Variants in RAB11FIP3 observed in about 807,000 individuals in gnomAD.
The protein encoded by RAB11FIP3 is RAB11 family interacting protein 3.
Under a neutral mutation model 77.8 loss-of-function variants are expected in RAB11FIP3, and 17 were observed. That is an observed-to-expected ratio of 0.22 (90% confidence interval 0.15 to 0.33). The LOEUF is 0.33. Among genes scored for constraint, RAB11FIP3 ranks in the 10% least tolerant of loss-of-function variants. The probability of loss-of-function intolerance (pLI) is 1.00; values close to 1 mark genes in which losing one functional copy is unlikely to be tolerated. For missense variants in RAB11FIP3, 1,005 were observed against 1,011.2 expected, an observed-to-expected ratio of 0.99 and a Z score of 0.08; for synonymous variants, 437 against 448.2, an observed-to-expected ratio of 0.98 and a Z score of 0.31.
At position 485,193 on chromosome 16, in the gene RAB11FIP3, G is replaced by A. The variant is rs116625248; in HGVS notation, c.1115+2457G>A. Reference sequence around the variant, plus strand: ...GTGCTGCAGAAGCAGCCAAAGGCACGTGGGTCAGTGAGCGTGGCTGTGTCC... The same window carrying A: ...GTGCTGCAGAAGCAGCCAAAGGCACATGGGTCAGTGAGCGTGGCTGTGTCC... On this transcript the variant is annotated intron_variant, in intron 4 of 13. Coordinates refer to ENST00000262305, the MANE Select transcript of RAB11FIP3 (RefSeq NM_014700.4). Among the ~76,000 whole-genome samples, 385 of 152,226 alleles carry A rather than the reference G, an allele frequency of 2.5e-3. 3 individuals carry two copies. Among genetic ancestry groups the A allele is most frequent in the African/African-American group, 8.9e-3 (370 of 41,554 alleles).
At chr16:455,807 T>C (rs2055493951) in intron 1 of RAB11FIP3, among the ~76,000 whole-genome samples, 1 of 152,166 alleles carries the variant, frequency 6.6e-6, no homozygotes, top group Non-Finnish European at 1.5e-5. Context: ...CCCAGGCTAG[T>C]CTGGAACTCT....
intron 1 of RAB11FIP3, among the ~76,000 whole-genome samples, chr16:441,041 A>G (rs1261506629): frequency 6.6e-6 from 1 of 152,062 alleles, no homozygotes; most frequent in Non-Finnish European, 1.5e-5. Flanking sequence ...CCCAGGTTCA[A>G]GCGATTCTCC....
intron 3 of RAB11FIP3, among the ~76,000 whole-genome samples, chr16:478,480 G>C (rs1414104474): frequency 1.3e-5 from 2 of 151,796 alleles, no homozygotes; most frequent in Non-Finnish European, 2.9e-5. Flanking sequence ...CATTAACCAC[G>C]GCGCCCAGCC....
intron 1 of RAB11FIP3, among the ~76,000 whole-genome samples, chr16:450,301 C>G (rs2055386166): frequency 1.3e-5 from 2 of 152,146 alleles, no homozygotes; most frequent in African/African-American, 4.8e-5. Context: ...TCCCGAGTAG[C>G]TGGGACCACA....
Position 429,311 on chromosome 16 carries a change from C to T in RAB11FIP3, c.714+2591C>T, listed in dbSNP as rs574116938. ...TTCAGTATATATTTCCAAAAGATAC[C>T]GATTCTTTTAAAGACATTAATGATT... is the stretch of plus-strand genomic sequence containing the variant. On this transcript the variant is annotated intron_variant, in intron 1 of 13. Coordinates refer to ENST00000262305, the MANE Select transcript of RAB11FIP3 (RefSeq NM_014700.4). 1.1e-4 allele frequency among the ~76,000 whole-genome samples: 17 copies of T among 151,878 alleles called. No homozygotes were observed. In the South Asian group the frequency reaches 1.2e-3, roughly 11 times the overall value.
At chr16:445,641 G>A (rs987504162) in intron 1 of RAB11FIP3, among the ~76,000 whole-genome samples, 1 of 152,110 alleles carries the variant, frequency 6.6e-6, no homozygotes, top group East Asian at 1.9e-4. Flanking sequence ...CTGAATCTCA[G>A]GCCCACAGAG....
At chr16:489,201 C>A in intron 5 of RAB11FIP3, 1 of 646,186 alleles carries the variant, frequency 1.5e-6, no homozygotes, top group East Asian at 2.9e-5. Context: ...CCAGCCACAT[C>A]CCCAGATCAC....
In RAB11FIP3 at chr16:461,323, A is replaced by T; in HGVS notation, c.715-81A>T. ...CCGTTCCCAGCAGGCCACACACCAG[A>T]TCTCTCCCAGTCCGAGGTCCAGGGT... On this transcript the variant is annotated intron_variant, in intron 1 of 13. Coordinates refer to ENST00000262305, the MANE Select transcript of RAB11FIP3 (RefSeq NM_014700.4). This position sits in a 1 kb window ranked among gnomAD's most constrained non-coding sequence, Gnocchi z 4.5. 9.1e-7 allele frequency: 1 copy of T among 1,102,048 alleles called. No homozygotes were observed. The allele number at this position is 1,102,048 out of a possible 1,614,324, so 68.3% of individuals were successfully genotyped here. A position where few individuals can be genotyped will look rare whatever the true frequency, so the allele number is the denominator to read the frequency against.
intron 1 of RAB11FIP3, among the ~76,000 whole-genome samples, chr16:431,635 A>C (rs955142652): frequency 2.6e-5 from 4 of 152,074 alleles, no homozygotes; most frequent in African/African-American, 9.7e-5. Context: ...TCAGCCTCCC[A>C]AAGTGTTGGG....
chr16:492,884 A>G (rs565871786), intron 5 of RAB11FIP3, among the ~76,000 whole-genome samples: 11 of 152,246 alleles, frequency 7.2e-5, no homozygotes, highest in African/African-American at 2.6e-4. Flanking sequence ...AGGGACTAGG[A>G]TGTAGCTAAG....
intron 1 of RAB11FIP3, chr16:452,426 T>TTTATTA (rs561854518): frequency 1.8e-4 from 27 of 151,794 alleles, no homozygotes; most frequent in African/African-American, 6.3e-4. Context: ...CATCTATTTC[T>TTTATTA]TTATTATTAT....
intron 8 of RAB11FIP3, among the ~76,000 whole-genome samples, chr16:509,759 C>T (rs1310214619): frequency 6.6e-6 from 1 of 152,200 alleles, no homozygotes; most frequent in Admixed American, 6.5e-5. Context: ...GGCCCCCCCC[C>T]CACTTGTGGC....
intron 8 of RAB11FIP3, among the ~76,000 whole-genome samples, chr16:509,557 G>A (rs978597765): frequency 4.6e-5 from 7 of 152,250 alleles, no homozygotes; most frequent in African/African-American, 1.7e-4. Flanking sequence ...CTTCTCTTTG[G>A]GATGGTTCAG....
rs114991826 is a variant in RAB11FIP3, at chr16:471,763, C to T, written c.903+374C>T. Among the ~76,000 whole-genome samples the T allele has an allele frequency of 6.6e-6, 1 of 152,298 alleles. No homozygotes were observed. Among genetic ancestry groups the T allele is most frequent in the African/African-American group, 2.4e-5 (1 of 41,564 alleles). ...TTTGGGGATGCCTGACTAATGCCTG[C>T]CCCTGCTTGGCTGTCCTCCACCCTG... is the stretch of plus-strand genomic sequence containing the variant. On this transcript the variant is annotated intron_variant, in intron 3 of 13. Coordinates refer to ENST00000262305, the MANE Select transcript of RAB11FIP3 (RefSeq NM_014700.4). This position sits in a 1 kb window ranked among gnomAD's most constrained non-coding sequence, Gnocchi z 4.4.
intron 4 of RAB11FIP3, among the ~76,000 whole-genome samples, chr16:484,605 G>A (rs576915080): frequency 3.3e-5 from 5 of 152,264 alleles, no homozygotes; most frequent in Admixed American, 1.3e-4. Context: ...CGCCCGCCTC[G>A]GCCTCCCGAA....
chr16:497,592 G>C, intron 6 of RAB11FIP3: 1 of 685,602 alleles, frequency 1.5e-6, no homozygotes. Context: ...GTTGTGCCGG[G>C]CGTTCTCCAG....
intron 2 of RAB11FIP3, among the ~76,000 whole-genome samples, chr16:470,146 G>A (rs907468511): frequency 1.3e-5 from 2 of 152,012 alleles, no homozygotes; most frequent in Admixed American, 6.6e-5. Context: ...ACAGGTGTTC[G>A]CCACTATGCC....
chr16:516,190 G>A (rs996165676), intron 9 of RAB11FIP3, among the ~76,000 whole-genome samples: 8 of 152,262 alleles, frequency 5.3e-5, no homozygotes, highest in African/African-American at 1.7e-4. Flanking sequence ...AGCCCTTCCC[G>A]CCCAGCCCTG....
At chr16:450,569 A>T (rs1487563380) in intron 1 of RAB11FIP3, among the ~76,000 whole-genome samples, 1 of 152,060 alleles carries the variant, frequency 6.6e-6, no homozygotes, top group African/African-American at 2.4e-5. Context: ...GGGTGTCCCC[A>T]TGGGGGCTGG....
Sources: allele counts gnomAD v4.1 joint callset (sites outside exome capture counted in the v4.1 genomes callset), GRCh38; gene constraint gnomAD v4.1.1; non-coding constraint Gnocchi (gnomAD v3.1); transcripts MANE v1.5; gene names NCBI Gene and HGNC (gene_info 2026-07-23, HGNC 2026-07-21).